Variants in CEP85L observed in about 807,000 individuals in gnomAD.
CEP85L encodes centrosomal protein 85L.
A neutral mutation model predicts 100.3 loss-of-function variants in CEP85L; 60 were observed. That is an observed-to-expected ratio of 0.60 (90% CI 0.49 to 0.74). CEP85L has a LOEUF of 0.74. Among genes scored for constraint, CEP85L ranks in the 30% least tolerant of loss-of-function variants. The pLI is 0.00. For missense variants in CEP85L, 973 were observed against 936.2 expected, an observed-to-expected ratio of 1.04 and a Z score of -0.51; for synonymous variants, 319 against 322.7, an observed-to-expected ratio of 0.99 and a Z score of 0.12.
intron 2 of CEP85L, among the ~76,000 whole-genome samples, chr6:118,582,974 T>C (rs182686421): frequency 5.5e-4 from 84 of 152,300 alleles, no homozygotes; most frequent in Middle Eastern, 3.4e-3. Context: ...AGTAGCAGCA[T>C]TGCACGCTTG....
intron 1 of CEP85L, among the ~76,000 whole-genome samples, chr6:118,648,185 C>A (rs1775323911): frequency 6.6e-6 from 1 of 152,136 alleles, no homozygotes; most frequent in South Asian, 2.1e-4. Flanking sequence ...AACCGGGAGG[C>A]GGAAGTTGCA....
At position 118,464,540 on chromosome 6, in the gene CEP85L, A is replaced by G. The variant is rs568545679; in HGVS notation, c.*865T>C. On this transcript the variant is annotated 3_prime_UTR_variant, in exon 13 of 13. Transcript: ENST00000368491. ...TAACTTTGTTAATCTTCCTTTTATA[A>G]TAATGATCCAATGCCTTTATTAATT... 1 of 152,154 alleles carries G rather than the reference A, an allele frequency of 6.6e-6. No homozygotes were observed. The highest frequency in any genetic ancestry group is 6.5e-5 in the Admixed American group (1 of 15,270). 9.4% of individuals were successfully genotyped at this position (152,154 alleles called of 1,614,324 possible).
At chr6:118,472,222 T>C (rs1381230471) in intron 10 of CEP85L, among the ~76,000 whole-genome samples, 1 of 152,128 alleles carries the variant, frequency 6.6e-6, no homozygotes, top group Non-Finnish European at 1.5e-5. Context: ...TAAATCCAAC[T>C]AATATGTCCC....
chr6:118,618,766 T>C (rs957540001), intron 2 of CEP85L, among the ~76,000 whole-genome samples: 7 of 152,130 alleles, frequency 4.6e-5, no homozygotes, highest in African/African-American at 1.7e-4. Context: ...ACCATCCCCT[T>C]TGAGCTTACT....
At chr6:118,693,059 G>C (rs1777099235) in intron 1 of CEP85L, among the ~76,000 whole-genome samples, 1 of 152,216 alleles carries the variant, frequency 6.6e-6, no homozygotes. Context: ...AAGGAAAGCA[G>C]AGACCTCTAA....
chr6:118,499,596 G>A (rs983119682), intron 5 of CEP85L, among the ~76,000 whole-genome samples: 2 of 151,984 alleles, frequency 1.3e-5, no homozygotes, highest in South Asian at 2.1e-4. Flanking sequence ...CCCAGGAAAC[G>A]GAGGTTTCAG....
chr6:118,559,236 C>A, intron 3 of CEP85L: 1 of 717,422 alleles, frequency 1.4e-6, no homozygotes, highest in South Asian at 1.5e-5. Context: ...CTTATTGTTA[C>A]CATATGTATT....
chr6:118,564,406 C>T (rs12199508), intron 3 of CEP85L, among the ~76,000 whole-genome samples: 15,420 of 152,158 alleles, frequency 0.1, 940 homozygotes, highest in African/African-American at 0.16. Context: ...ATTAGGTTTC[C>T]TATTTTTCAT....
At chr6:118,558,621 G>GCACACACACACACACA (rs1280397001) in intron 3 of CEP85L, among the ~76,000 whole-genome samples, 1 of 60,012 alleles carries the variant, frequency 1.7e-5, no homozygotes, top group African/African-American at 5.1e-5. Flanking sequence ...AGAAACACGT[G>GCACACACACACACACA]CACATACACA....
At chr6:118,584,717 C>T (rs1205072124) in intron 2 of CEP85L, among the ~76,000 whole-genome samples, 1 of 152,226 alleles carries the variant, frequency 6.6e-6, no homozygotes, top group Non-Finnish European at 1.5e-5. Flanking sequence ...TGCCTCCCCG[C>T]CATTGCCTCA....
intron 5 of CEP85L, chr6:118,502,258 ATCAGCAAGGATAAT>A: frequency 1.7e-6 from 1 of 574,048 alleles, no homozygotes; most frequent in Admixed American, 2.9e-5. Flanking sequence ...ATTTATGAAT[ATCAGCAAGGATAAT>A]TCAGATTTAA....
intron 2 of CEP85L, among the ~76,000 whole-genome samples, chr6:118,571,546 T>C (rs1257973571): frequency 6.6e-6 from 1 of 152,202 alleles, no homozygotes; most frequent in Non-Finnish European, 1.5e-5. Context: ...TGGTATTAAA[T>C]GAAAACATTG....
At chr6:118,687,643 C>A (rs1036122619) in intron 1 of CEP85L, among the ~76,000 whole-genome samples, 1 of 152,188 alleles carries the variant, frequency 6.6e-6, no homozygotes, top group African/African-American at 2.4e-5. Context: ...ACAGCAACCC[C>A]CTTTGGGTCC....
intron 1 of CEP85L, among the ~76,000 whole-genome samples, chr6:118,706,929 C>A (rs1213350929): frequency 6.6e-6 from 1 of 152,170 alleles, no homozygotes; most frequent in East Asian, 1.9e-4. Context: ...TGCTTCCCTA[C>A]CCCATGGAGC....
At chr6:118,692,104 T>G (rs1777063585) in intron 1 of CEP85L, among the ~76,000 whole-genome samples, 1 of 152,056 alleles carries the variant, frequency 6.6e-6, no homozygotes. Flanking sequence ...GAAGCTCCCA[T>G]CCCTTTCTGG....
chr6:118,616,444 A>T (rs1220869310), intron 2 of CEP85L, among the ~76,000 whole-genome samples: 1 of 152,058 alleles, frequency 6.6e-6, no homozygotes, highest in Non-Finnish European at 1.5e-5. Context: ...AAGCAGAAGG[A>T]TCACTTGAGA....
chr6:118,514,524 C>CAAAAAAA (rs561316113), intron 4 of CEP85L, among the ~76,000 whole-genome samples: 3 of 87,510 alleles, frequency 3.4e-5, no homozygotes, highest in African/African-American at 4.4e-5. Flanking sequence ...GACACTGTCT[C>CAAAAAAA]AAAAAAAAAA....
intron 2 of CEP85L, among the ~76,000 whole-genome samples, chr6:118,614,585 T>C (rs570699997): frequency 6.6e-6 from 1 of 152,204 alleles, no homozygotes. Context: ...GGCTCACACC[T>C]GTAATCCCAG....
intron 5 of CEP85L, among the ~76,000 whole-genome samples, chr6:118,497,119 G>GA (rs1483253001): frequency 6.6e-6 from 1 of 152,186 alleles, no homozygotes. Context: ...ATTGCCAGGT[G>GA]AATCAACTTT....
Sources: gnomAD v4.1 joint callset for allele counts (sites outside exome capture counted in the v4.1 genomes callset) on GRCh38, gnomAD v4.1.1 for gene constraint, MANE v1.5 for transcripts, NCBI Gene and HGNC (gene_info 2026-07-23, HGNC 2026-07-21) for gene names.